Variants in SRGAP2B observed in about 807,000 individuals in gnomAD.
SRGAP2B encodes SLIT-ROBO Rho GTPase-activating protein 2B.
A neutral mutation model predicts 22.2 loss-of-function variants in SRGAP2B; 9 were observed. That is an observed-to-expected ratio of 0.41 (90% CI 0.24 to 0.71). SRGAP2B has a LOEUF of 0.71. Among genes scored for constraint, SRGAP2B ranks in the 30% least tolerant of loss-of-function variants. The probability of loss-of-function intolerance (pLI) is 0.35; values close to 1 mark genes in which losing one functional copy is unlikely to be tolerated. For synonymous variants in SRGAP2B, 36 were observed against 87.4 expected (o/e 0.41, Z 3.28); for missense variants, 114 against 235.8 (o/e 0.48, Z 3.38).
chr1:145,017,212 G>A (rs1553623350), intron 2 of SRGAP2B, among the ~76,000 whole-genome samples: 2 of 147,872 alleles, frequency 1.4e-5, no homozygotes, highest in Non-Finnish European at 1.5e-5. Flanking sequence ...TTACAGGCAT[G>A]AGCCACCGCA....
chr1:145,017,050 C>G (rs587659381), intron 2 of SRGAP2B, among the ~76,000 whole-genome samples: 1 of 138,856 alleles, frequency 7.2e-6, no homozygotes, highest in South Asian at 2.4e-4. Flanking sequence ...ACCTCCACCT[C>G]CTGGGCTCAA....
At chr1:144,974,117 C>A (rs1668732911) in intron 3 of SRGAP2B, among the ~76,000 whole-genome samples, 1 of 150,332 alleles carries the variant, frequency 6.7e-6, no homozygotes, top group Non-Finnish European at 1.5e-5. Context: ...TCAACACAGT[C>A]CCATCCTGAT....
At chr1:144,969,666 C>T (rs1668353053) in intron 3 of SRGAP2B, among the ~76,000 whole-genome samples, 1 of 150,370 alleles carries the variant, frequency 6.7e-6, no homozygotes, top group South Asian at 2.1e-4. Flanking sequence ...AACTAAAGAG[C>T]TTCTGCACAG....
chr1:144,971,445 G>T (rs1459548931), intron 3 of SRGAP2B, among the ~76,000 whole-genome samples: 6 of 149,162 alleles, frequency 4.0e-5, no homozygotes, highest in Admixed American at 6.6e-5. Flanking sequence ...CTTTTTTTTT[G>T]CAGAGATGGG....
intron 2 of SRGAP2B, among the ~76,000 whole-genome samples, chr1:145,022,934 A>G (rs1339141950): frequency 6.7e-6 from 1 of 149,612 alleles, no homozygotes; most frequent in Non-Finnish European, 1.5e-5. Context: ...TGGGAGGCCC[A>G]GGCTGGTGGA....
intron 4 of SRGAP2B, among the ~76,000 whole-genome samples, chr1:144,924,553 C>G (rs1262421727): frequency 4.8e-4 from 73 of 150,910 alleles, no homozygotes; most frequent in African/African-American, 1.8e-3. Flanking sequence ...AAGGTGAAAC[C>G]CCGTCTCTAC....
chr1:144,956,892 A>G (rs1465135062), intron 3 of SRGAP2B, among the ~76,000 whole-genome samples: 2 of 149,366 alleles, frequency 1.3e-5, no homozygotes, highest in Non-Finnish European at 3.0e-5. Context: ...AATTTGCAGT[A>G]CTATTTATCA....
At chr1:145,003,906 T>C (rs1388738375) in intron 2 of SRGAP2B, among the ~76,000 whole-genome samples, 7 of 151,058 alleles carry the variant, frequency 4.6e-5, no homozygotes, top group African/African-American at 1.5e-4. Context: ...CATCCTTCCC[T>C]TCACAGTAGT....
chr1:144,979,085 C>G (rs1211800064), intron 3 of SRGAP2B, among the ~76,000 whole-genome samples: 6 of 151,864 alleles, frequency 4.0e-5, no homozygotes, highest in African/African-American at 1.5e-4. Flanking sequence ...CTCTGTCACC[C>G]AGGCTGGAGT....
chr1:144,958,602 G>A, intron 3 of SRGAP2B, among the ~76,000 whole-genome samples: 1 of 130,712 alleles, frequency 7.7e-6, no homozygotes, highest in South Asian at 2.7e-4. Context: ...AGGTTGCAGT[G>A]AGCTGAGATC....
intron 3 of SRGAP2B, among the ~76,000 whole-genome samples, chr1:144,989,214 G>T (rs1669988147): frequency 1.3e-5 from 1 of 77,418 alleles, no homozygotes; most frequent in Non-Finnish European, 2.3e-5. Flanking sequence ...ATTTTCCACT[G>T]CTCTTGAAAA....
intron 3 of SRGAP2B, among the ~76,000 whole-genome samples, chr1:144,986,887 A>G (rs1172653294): frequency 1.3e-5 from 2 of 151,068 alleles, no homozygotes; most frequent in Non-Finnish European, 2.9e-5. Flanking sequence ...AGCAAAACAG[A>G]TAAGTTATCC....
intron 2 of SRGAP2B, among the ~76,000 whole-genome samples, chr1:145,076,587 T>C (rs1248360423): frequency 6.8e-6 from 1 of 147,640 alleles, no homozygotes; most frequent in Non-Finnish European, 1.5e-5. Flanking sequence ...TCCGTTTTTA[T>C]AATATTCTTG....
intron 2 of SRGAP2B, among the ~76,000 whole-genome samples, chr1:145,089,703 TAA>T (rs1653796758): frequency 8.2e-6 from 1 of 121,734 alleles, no homozygotes; most frequent in Admixed American, 8.3e-5. Context: ...AGCTAGAACT[TAA>T]GTTTCATTCC....
intron 4 of SRGAP2B, among the ~76,000 whole-genome samples, chr1:144,944,461 C>G (rs1189076834): frequency 6.7e-6 from 1 of 148,526 alleles, no homozygotes; most frequent in African/African-American, 2.6e-5. Flanking sequence ...ATGGTACACA[C>G]CTGTAGTATC....
At chr1:144,999,163 C>T (rs1162564259) in intron 2 of SRGAP2B, among the ~76,000 whole-genome samples, 1 of 151,072 alleles carries the variant, frequency 6.6e-6, no homozygotes, top group African/African-American at 2.5e-5. Flanking sequence ...GAAGACTTTA[C>T]ACATCTGGTT....
chr1:144,994,628 C>A (rs1419561490), intron 3 of SRGAP2B, among the ~76,000 whole-genome samples: 1 of 144,958 alleles, frequency 6.9e-6, no homozygotes, highest in African/African-American at 2.7e-5. Context: ...TTAAGATAGA[C>A]CCTGAGTTAA....
At chr1:144,909,064 G>GA (rs1228287456) in intron 5 of SRGAP2B, among the ~76,000 whole-genome samples, 8 of 144,288 alleles carry the variant, frequency 5.5e-5, no homozygotes, top group East Asian at 2.0e-4. Context: ...AAAATAATAG[G>GA]AAAAAAAAGG....
intron 2 of SRGAP2B, among the ~76,000 whole-genome samples, chr1:145,019,179 C>A (rs1298269656): frequency 2.2e-3 from 91 of 40,566 alleles, no homozygotes; most frequent in African/African-American, 3.7e-3. Context: ...CTTGTCTCTA[C>A]AAAAAAAAAA....
Sources: allele counts gnomAD v4.1 joint callset (sites outside exome capture counted in the v4.1 genomes callset), GRCh38; gene constraint gnomAD v4.1.1; transcripts MANE v1.5; gene names NCBI Gene and HGNC (gene_info 2026-07-23, HGNC 2026-07-21).